Variants in GPC3 observed in about 807,000 individuals in gnomAD.
GPC3 encodes glypican-3.
In GPC3, 3 loss-of-function variants were observed where a neutral mutation model predicts 34.4. That is an observed-to-expected ratio of 0.09 (90% CI 0.04 to 0.23). The LOEUF (loss-of-function observed/expected upper bound fraction) is 0.23. Ranked by LOEUF, GPC3 falls within the 10% of genes least tolerant of loss-of-function variation. The pLI is 1.00. For synonymous variants in GPC3, 177 were observed against 174.0 expected (o/e 1.02, Z -0.13); for missense variants, 351 against 445.6 (o/e 0.79, Z 1.91).
intron 2 of GPC3, among the ~76,000 whole-genome samples, chrX:133,783,017 G>T (rs758069583): frequency 9.1e-5 from 10 of 110,228 alleles, no homozygotes; most frequent in Non-Finnish European, 1.3e-4. Context: ...AGAGGGATGT[G>T]TGATCACAAC....
chrX:133,797,167 T>C (rs1481262861), intron 2 of GPC3, among the ~76,000 whole-genome samples: 1 of 110,690 alleles, frequency 9.0e-6, no homozygotes, highest in Non-Finnish European at 1.9e-5. Context: ...CCCCAAACCT[T>C]GGATTAGGAA....
At position 133,908,827 on chromosome X, in the gene GPC3, C is replaced by T. The variant is rs190953721; in HGVS notation, c.337+44223G>A. On this transcript the variant is annotated intron_variant, in intron 2 of 7. Coordinates refer to ENST00000370818, the MANE Select transcript of GPC3 (RefSeq NM_004484.4). Reference sequence around the variant, plus strand: ...CTTTTTACATAAACTGCTGCCAAGTCACATCTCTCATATCCTGTACATATG... The same window carrying T: ...CTTTTTACATAAACTGCTGCCAAGTTACATCTCTCATATCCTGTACATATG... Among the ~76,000 whole-genome samples, 5 of 111,882 alleles carry T rather than the reference C, an allele frequency of 4.5e-5. No homozygotes were observed. In the East Asian group the frequency reaches 1.4e-3, roughly 31 times the overall value.
intron 2 of GPC3, among the ~76,000 whole-genome samples, chrX:133,906,251 G>T (rs1405750041): frequency 8.9e-6 from 1 of 112,131 alleles, no homozygotes; most frequent in African/African-American, 3.2e-5. Context: ...CATTATTAGG[G>T]AAAGAAGGGA....
In GPC3 at chrX:133,790,133, GA is replaced by G. The variant is rs773593405; in HGVS notation, c.338-35958del. On this transcript the variant is annotated intron_variant, in intron 2 of 7. Transcript: ENST00000370818. ...GAAGAAATGGATATCAGCCAAACAA[GA>G]AAAAAAAAAGACAGGCTGGCTGATT... is the stretch of plus-strand genomic sequence containing the variant. Among the ~76,000 whole-genome samples, 13 of 104,696 alleles carry G rather than the reference GA, an allele frequency of 1.2e-4. 1 individual carries two copies. The highest frequency in any genetic ancestry group is 6.1e-4 in the Admixed American group (6 of 9,825). 90.9% of individuals were successfully genotyped at this position (104,696 alleles called of 115,157 possible). A position where few individuals can be genotyped will look rare whatever the true frequency, so the allele number is the denominator to read the frequency against.
At chrX:133,675,473 A>G (rs774127853) in intron 5 of GPC3, among the ~76,000 whole-genome samples, 1 of 110,205 alleles carries the variant, frequency 9.1e-6, no homozygotes, top group East Asian at 2.9e-4. Flanking sequence ...CCTGAGCAAA[A>G]CTCTGTCCTG....
chrX:133,871,036 T>A (rs1017047178), intron 2 of GPC3, among the ~76,000 whole-genome samples: 2 of 112,008 alleles, frequency 1.8e-5, no homozygotes, highest in African/African-American at 6.5e-5. Flanking sequence ...TCCATTATGA[T>A]GAGTTATGTG....
chrX:133,915,140 C>G (rs1481891911), intron 2 of GPC3, among the ~76,000 whole-genome samples: 6 of 108,520 alleles, frequency 5.5e-5, no homozygotes, highest in Non-Finnish European at 3.8e-5. Context: ...TTAACAGTCA[C>G]AACACCAATT....
chrX:133,979,996 T>A (rs2076531867), intron 1 of GPC3, among the ~76,000 whole-genome samples: 1 of 111,923 alleles, frequency 8.9e-6, no homozygotes, highest in Non-Finnish European at 1.9e-5. Flanking sequence ...GTGAGGTACT[T>A]CAACAGGTCC....
chrX:133,958,756 C>T (rs1471237611), intron 1 of GPC3, among the ~76,000 whole-genome samples: 1 of 100,890 alleles, frequency 9.9e-6, no homozygotes, highest in African/African-American at 3.7e-5. Flanking sequence ...AATGATGGCA[C>T]ACACCTGTAA....
intron 2 of GPC3, among the ~76,000 whole-genome samples, chrX:133,823,043 C>T (rs1280335870): frequency 1.5e-4 from 14 of 94,356 alleles, no homozygotes; most frequent in Non-Finnish European, 2.6e-4. Flanking sequence ...GCAGGAGATT[C>T]GCTTGAACTC....
intron 3 of GPC3, among the ~76,000 whole-genome samples, chrX:133,730,415 G>A (rs762514110): frequency 1.8e-5 from 2 of 111,764 alleles, no homozygotes; most frequent in African/African-American, 6.5e-5. Flanking sequence ...AAAGCTGAGA[G>A]AAACAAGACT....
intron 6 of GPC3, among the ~76,000 whole-genome samples, chrX:133,654,813 T>C (rs756414712): frequency 2.1e-4 from 24 of 112,138 alleles, no homozygotes; most frequent in African/African-American, 7.8e-4. Flanking sequence ...AATTTAGAAA[T>C]GTATTTCTAA....
At chrX:133,672,016 G>A (rs1460174851) in intron 5 of GPC3, among the ~76,000 whole-genome samples, 1 of 112,087 alleles carries the variant, frequency 8.9e-6, no homozygotes, top group African/African-American at 3.2e-5. Context: ...ACTTTGAGGA[G>A]GGACTAAAAG....
chrX:133,655,181 T>G (rs904686405), intron 6 of GPC3, among the ~76,000 whole-genome samples: 1 of 111,639 alleles, frequency 9.0e-6, no homozygotes, highest in African/African-American at 3.3e-5. Context: ...TTCTTCTTGG[T>G]GCAGTGTTAT....
At chrX:133,915,997 A>C (rs2076222689) in intron 2 of GPC3, among the ~76,000 whole-genome samples, 1 of 109,920 alleles carries the variant, frequency 9.1e-6, no homozygotes, top group Non-Finnish European at 1.9e-5. Flanking sequence ...ATACAAAAAA[A>C]TTGCCAGCGT....
At chrX:133,544,189 C>CCACT (rs796479287) in intron 7 of GPC3, among the ~76,000 whole-genome samples, 2 of 111,759 alleles carry the variant, frequency 1.8e-5, no homozygotes, top group South Asian at 7.5e-4. Flanking sequence ...TGTGATTGTG[C>CCACT]CACTGCACTA....
intron 3 of GPC3, among the ~76,000 whole-genome samples, chrX:133,705,271 C>T (rs1363198970): frequency 9.1e-6 from 1 of 110,133 alleles, no homozygotes; most frequent in Non-Finnish European, 1.9e-5. Context: ...GTGGTCACGG[C>T]TCAATGCAGC....
intron 6 of GPC3, among the ~76,000 whole-genome samples, chrX:133,629,446 A>C (rs888673178): frequency 1.8e-5 from 2 of 111,152 alleles, no homozygotes; most frequent in Non-Finnish European, 3.8e-5. Flanking sequence ...CCCAGGCTGG[A>C]GTGCAGTGGC....
chrX:133,715,710 C>G (rs2071306840), intron 3 of GPC3, among the ~76,000 whole-genome samples: 1 of 110,808 alleles, frequency 9.0e-6, no homozygotes, highest in African/African-American at 3.3e-5. Flanking sequence ...ATAGTTAGAG[C>G]AAATAATAGG....
Sources: gnomAD v4.1 joint callset for allele counts (sites outside exome capture counted in the v4.1 genomes callset) on GRCh38, gnomAD v4.1.1 for gene constraint, MANE v1.5 for transcripts, NCBI Gene and HGNC (gene_info 2026-07-23, HGNC 2026-07-21) for gene names.